SVIL: variants seen among roughly 807,000 people sequenced by gnomAD.
SVIL encodes archvillin.
SVIL carries 101 observed loss-of-function variants against 240.4 expected under a neutral mutation model. The ratio of observed to expected loss-of-function variants is 0.42; its 90% CI spans 0.36 to 0.50. SVIL has a LOEUF of 0.50. SVIL is among the 20% of genes least tolerant of loss of function. The pLI is 0.01. For synonymous variants in SVIL, 999 were observed against 1,100.0 expected, an observed-to-expected ratio of 0.91 and a Z score of 1.82; for missense variants, 2,512 against 2,818.7, an observed-to-expected ratio of 0.89 and a Z score of 2.46.
chr10:29,513,139 T>C (rs1949970410), intron 16 of SVIL, among the ~76,000 whole-genome samples: 1 of 152,258 alleles, frequency 6.6e-6, no homozygotes, highest in African/African-American at 2.4e-5. Flanking sequence ...CAAGGATGTC[T>C]GTTCCTTGGC....
chr10:29,542,611 T>C (rs1952264346), intron 6 of SVIL, among the ~76,000 whole-genome samples: 1 of 152,206 alleles, frequency 6.6e-6, no homozygotes. Flanking sequence ...ATGCAATGCG[T>C]AATAATCATG....
At chr10:29,567,765 C>A (rs572945197) in intron 2 of SVIL, among the ~76,000 whole-genome samples, 5 of 152,212 alleles carry the variant, frequency 3.3e-5, no homozygotes, top group Non-Finnish European at 7.4e-5. Context: ...GCCTGTAATC[C>A]CAGCACTTTG....
chr10:29,593,036 A>G (rs1267534907), intron 1 of SVIL, among the ~76,000 whole-genome samples: 2 of 152,202 alleles, frequency 1.3e-5, no homozygotes, highest in African/African-American at 4.8e-5. Flanking sequence ...ATTGAAAGCT[A>G]TCAAATATGG....
Position 29,494,533 on chromosome 10 carries a change from G to T in SVIL, c.3841+381C>A, listed in dbSNP as rs371851965. 8.3e-4 allele frequency among the ~76,000 whole-genome samples: 127 copies of T among 152,188 alleles called. 2 individuals carry two copies. The South Asian group carries it at 0.02, about 24-fold the overall frequency. ...GAAACATTTACTTCAATATTCATTT[G>T]CCATAATTTTCTTTTAGAAATCATT... On this transcript the variant is annotated intron_variant, in intron 20 of 37. Coordinates refer to ENST00000355867, the MANE Select transcript of SVIL (RefSeq NM_021738.3).
intron 6 of SVIL, among the ~76,000 whole-genome samples, chr10:29,539,000 T>C (rs1248668966): frequency 6.6e-6 from 1 of 151,808 alleles, no homozygotes; most frequent in East Asian, 1.9e-4. Context: ...CTGTCTGTAT[T>C]TAAAAAATTA....
At chr10:29,654,217 A>G (rs1213940681) in intron 3 of SVIL, among the ~76,000 whole-genome samples, 1 of 152,040 alleles carries the variant, frequency 6.6e-6, no homozygotes, top group Non-Finnish European at 1.5e-5. Context: ...AGTTTCTTTC[A>G]ATGATGTTTT....
At chr10:29,602,738 C>A (rs1227335219) in intron 1 of SVIL, among the ~76,000 whole-genome samples, 1 of 151,914 alleles carries the variant, frequency 6.6e-6, no homozygotes, top group Non-Finnish European at 1.5e-5. Context: ...GTAATCCCAG[C>A]ACTTCGGGGG....
chr10:29,478,299 T>C (rs56260575), intron 29 of SVIL, among the ~76,000 whole-genome samples: 6,520 of 152,302 alleles, frequency 0.043, 477 homozygotes, highest in African/African-American at 0.15. Context: ...TTTGGGGAGA[T>C]CCACATTATC....
At chr10:29,587,502 TC>T (rs1177949265) in intron 1 of SVIL, among the ~76,000 whole-genome samples, 3 of 152,142 alleles carry the variant, frequency 2.0e-5, no homozygotes, top group Non-Finnish European at 4.4e-5. Context: ...CAAAAACTCT[TC>T]CAAGGCCGCA....
At chr10:29,712,210 G>A (rs1018080830) in intron 1 of SVIL, among the ~76,000 whole-genome samples, 6 of 152,010 alleles carry the variant, frequency 3.9e-5, no homozygotes, top group Non-Finnish European at 7.4e-5. Context: ...TTGGATATTC[G>A]ACCCTTTGGA....
At chr10:29,729,833 CAAAAAAAAAAAAAAAAA>C (rs71023507) in intron 1 of SVIL, among the ~76,000 whole-genome samples, 3 of 32,510 alleles carry the variant, frequency 9.2e-5, no homozygotes, top group East Asian at 1.1e-3. Flanking sequence ...GACTCCATCT[CAAAAAAAAAAAAAAAAA>C]AAAAAAAAAA....
Position 29,512,661 on chromosome 10 carries a change from A to G in SVIL, c.3516+74T>C, listed in dbSNP as rs191213720. On this transcript the variant is annotated intron_variant, in intron 17 of 37. Transcript: ENST00000355867. Reference sequence around the variant, plus strand: ...CTTCACAGAGTAGGAATTAGGTGGCACACGCTTGTCTTTTTGATGCACTTC... The same window carrying G: ...CTTCACAGAGTAGGAATTAGGTGGCGCACGCTTGTCTTTTTGATGCACTTC... The G allele has an allele frequency of 7.5e-5, 120 of 1,610,684 alleles. 1 individual carries two copies. The African/African-American group carries it at 1.2e-3, about 16-fold the overall frequency.
At chr10:29,600,177 C>G (rs1325891353) in intron 1 of SVIL, among the ~76,000 whole-genome samples, 1 of 151,902 alleles carries the variant, frequency 6.6e-6, no homozygotes, top group Non-Finnish European at 1.5e-5. Flanking sequence ...ATAGCTTGGG[C>G]TACAGGTATG....
chr10:29,466,306 A>G (rs888077146), intron 33 of SVIL, among the ~76,000 whole-genome samples: 1 of 152,046 alleles, frequency 6.6e-6, no homozygotes, highest in Admixed American at 6.6e-5. Flanking sequence ...ATATACATCT[A>G]TATGTACTTC....
intron 16 of SVIL, among the ~76,000 whole-genome samples, chr10:29,519,987 T>G (rs1364575933): frequency 6.6e-6 from 1 of 152,236 alleles, no homozygotes. Flanking sequence ...TATCTCACTT[T>G]TAAAAATGAG....
At chr10:29,501,452 T>G (rs1589007831) in intron 17 of SVIL, among the ~76,000 whole-genome samples, 12 of 122,540 alleles carry the variant, frequency 9.8e-5, no homozygotes, top group South Asian at 2.8e-4. Flanking sequence ...GAAAGTGGGG[T>G]GAGGAGTGGA....
At chr10:29,494,797 G>T in intron 20 of SVIL, 117 bp downstream of exon 20, 1 of 943,380 alleles carries the variant, frequency 1.1e-6, no homozygotes, top group East Asian at 2.4e-5. Flanking sequence ...GTGAATCAGG[G>T]CTTGTTTCTC....
chr10:29,512,903 A>T (rs1204503822), intron 16 of SVIL, 42 bp from the exon 17 acceptor site: 1 of 1,595,830 alleles, frequency 6.3e-7, no homozygotes, highest in Non-Finnish European at 8.5e-7. Context: ...TCAGCACCAA[A>T]CTCTTCCTTG....
At position 29,566,664 on chromosome 10, in the gene SVIL, G is replaced by A. The variant is rs570700412; in HGVS notation, c.-143+2591C>T. 2.6e-5 allele frequency among the ~76,000 whole-genome samples: 4 copies of A among 152,262 alleles called. No homozygotes were observed. In the East Asian group the frequency reaches 7.7e-4, roughly 29 times the overall value. On this transcript the variant is annotated intron_variant, in intron 2 of 37. Transcript: ENST00000355867. ...GGTTCATCAGTGAGCACCTTTTTTG[G>A]CTCATCTGACGCTGATGAAACACAA...
Sources: allele counts gnomAD v4.1 joint callset (sites outside exome capture counted in the v4.1 genomes callset), GRCh38; gene constraint gnomAD v4.1.1; transcripts MANE v1.5; gene names NCBI Gene and HGNC (gene_info 2026-07-23, HGNC 2026-07-21).